The following LRP1B variants were observed in gnomAD, a reference collection of about 807,000 sequenced individuals.
The protein encoded by LRP1B is LDL receptor related protein 1B.
LRP1B carries 217 observed loss-of-function variants against 556.6 expected under a neutral mutation model. The ratio of observed to expected loss-of-function variants is 0.39; its 90% confidence interval spans 0.35 to 0.44. The LOEUF (loss-of-function observed/expected upper bound fraction) is 0.44. Ranked by LOEUF, LRP1B falls within the 20% of genes least tolerant of loss-of-function variation. The pLI is 1.00. For synonymous variants in LRP1B, 2,047 were observed against 1,865.8 expected (o/e 1.10, Z -2.50); for missense variants, 5,053 against 5,620.8 (o/e 0.90, Z 3.23).
intron 12 of LRP1B, among the ~76,000 whole-genome samples, chr2:141,016,435 T>C (rs1042790664): frequency 3.9e-5 from 6 of 152,080 alleles, no homozygotes; most frequent in African/African-American, 1.4e-4. Context: ...AAGGGCACTG[T>C]CATATTGGGT....
rs779670090 is a variant in LRP1B, at chr2:140,371,204, T to A, written c.10850A>T (p.Tyr3617Phe). The change falls in exon 70 of 91, where the codon TAT becomes TTT. Residue 3617 changes from tyrosine to phenylalanine, a missense_variant. Physicochemically the swap from Tyr to Phe is conservative, Grantham distance 22 (BLOSUM62 3). Transcript: ENST00000389484. ...CTCATCTGAACCATCAGCACAATCATATTCTCCATTACATTTCAAAGATGC... is the reference window on the plus strand; with the variant it reads ...CTCATCTGAACCATCAGCACAATCAAATTCTCCATTACATTTCAAAGATGC... ...ISASLKCNGE[Y>F]DCADGSDEMD... 2 of 1,593,862 alleles carry A rather than the reference T, an allele frequency of 1.3e-6. No homozygotes were observed. The highest frequency in any genetic ancestry group is 2.3e-5 in the South Asian group (2 of 87,274).
At chr2:141,102,841 A>G (rs1700501024) in intron 7 of LRP1B, among the ~76,000 whole-genome samples, 1 of 152,134 alleles carries the variant, frequency 6.6e-6, no homozygotes, top group Non-Finnish European at 1.5e-5. Context: ...TTACATTGAA[A>G]ATATGATAAT....
intron 1 of LRP1B, among the ~76,000 whole-genome samples, chr2:142,094,802 A>C (rs1440559172): frequency 6.6e-6 from 1 of 151,674 alleles, no homozygotes; most frequent in Non-Finnish European, 1.5e-5. Flanking sequence ...TTTAGTAATA[A>C]ATATTTAGTA....
Position 140,712,988 on chromosome 2 carries a change from A to G in LRP1B, c.6023+2985T>C, listed in dbSNP as rs116558626. ...CTCCTAGTCATTCTATCCCCTAACTATAAGCATTCTTCATTTTTGTTATTA... is the reference window on the plus strand; with the variant it reads ...CTCCTAGTCATTCTATCCCCTAACTGTAAGCATTCTTCATTTTTGTTATTA... On this transcript the variant is annotated intron_variant, in intron 37 of 90. Coordinates refer to ENST00000389484, the MANE Select transcript of LRP1B (RefSeq NM_018557.3). Among the ~76,000 whole-genome samples, 600 of 151,916 alleles carry G rather than the reference A, an allele frequency of 3.9e-3. 1 individual carries two copies. Among genetic ancestry groups the G allele is most frequent in the Non-Finnish European group, 7.0e-3 (475 of 67,932 alleles).
intron 1 of LRP1B, among the ~76,000 whole-genome samples, chr2:141,849,439 G>T (rs1259410222): frequency 1.3e-5 from 2 of 151,502 alleles, no homozygotes; most frequent in African/African-American, 4.8e-5. Context: ...GCACGCCAAA[G>T]AAATACATTA....
At chr2:141,966,839 A>G (rs558991211) in intron 1 of LRP1B, among the ~76,000 whole-genome samples, 1 of 151,852 alleles carries the variant, frequency 6.6e-6, no homozygotes. Context: ...CGCTGGATAC[A>G]TTCAATTTGT....
intron 7 of LRP1B, among the ~76,000 whole-genome samples, chr2:141,067,419 T>C (rs565269080): frequency 7.2e-5 from 11 of 152,144 alleles, no homozygotes; most frequent in African/African-American, 2.6e-4. Flanking sequence ...TTCACTTTTG[T>C]TGTTTGAAAA....
At chr2:140,270,521 G>A (rs1254990698) in intron 85 of LRP1B, among the ~76,000 whole-genome samples, 175 bp from the exon 86 acceptor site, 1 of 151,882 alleles carries the variant, frequency 6.6e-6, no homozygotes, top group Non-Finnish European at 1.5e-5. Context: ...ATTTATGTCA[G>A]AATGATGTCA....
intron 21 of LRP1B, 72 bp from the exon 22 acceptor site, chr2:140,908,149 G>T (rs996476173): frequency 1.7e-6 from 2 of 1,173,402 alleles, no homozygotes; most frequent in Non-Finnish European, 2.5e-6. Context: ...GGCCATTATT[G>T]TCTTCAGTCA....
At chr2:140,671,927 G>C (rs558308241) in intron 41 of LRP1B, among the ~76,000 whole-genome samples, 1 of 151,958 alleles carries the variant, frequency 6.6e-6, no homozygotes, top group Admixed American at 6.6e-5. Context: ...CCATACCAAG[G>C]TCCTCAAAAG....
chr2:140,571,734 A>G (rs191712420), intron 43 of LRP1B, among the ~76,000 whole-genome samples: 1 of 151,762 alleles, frequency 6.6e-6, no homozygotes, highest in East Asian at 1.9e-4. Context: ...AGATAAAGAC[A>G]TCACAAAACC....
chr2:140,531,117 A>G (rs1690672938), intron 47 of LRP1B, among the ~76,000 whole-genome samples: 1 of 152,130 alleles, frequency 6.6e-6, no homozygotes, highest in Non-Finnish European at 1.5e-5. Flanking sequence ...ATATACTTTC[A>G]TTTCTGGAGA....
intron 3 of LRP1B, among the ~76,000 whole-genome samples, chr2:141,402,439 C>T (rs1157981518): frequency 6.6e-6 from 1 of 151,968 alleles, no homozygotes; most frequent in African/African-American, 2.4e-5. Flanking sequence ...TTAAATATAA[C>T]ATGGAATGAG....
intron 3 of LRP1B, among the ~76,000 whole-genome samples, chr2:141,428,439 T>TA (rs1237841833): frequency 6.6e-6 from 1 of 152,168 alleles, no homozygotes; most frequent in Non-Finnish European, 1.5e-5. Flanking sequence ...AATGCTAAGC[T>TA]AAAAACTTAT....
At chr2:141,118,564 C>T (rs959699857) in intron 7 of LRP1B, among the ~76,000 whole-genome samples, 5 of 151,716 alleles carry the variant, frequency 3.3e-5, no homozygotes, top group Admixed American at 6.6e-5. Context: ...TTTCTGAGAG[C>T]GAAGAGATTG....
At chr2:141,653,619 A>G (rs1231400684) in intron 2 of LRP1B, among the ~76,000 whole-genome samples, 3 of 148,008 alleles carry the variant, frequency 2.0e-5, no homozygotes, top group Non-Finnish European at 4.5e-5. Flanking sequence ...AACCACTGAG[A>G]CTACACTGTG....
At chr2:140,251,273 CTG>C (rs1481505621) in intron 86 of LRP1B, among the ~76,000 whole-genome samples, 2 of 151,834 alleles carry the variant, frequency 1.3e-5, no homozygotes, top group Admixed American at 6.6e-5. Context: ...AGTAGCATAA[CTG>C]TAAGACATAT....
At chr2:140,736,313 C>A (rs1050889209) in intron 35 of LRP1B, among the ~76,000 whole-genome samples, 1 of 152,040 alleles carries the variant, frequency 6.6e-6, no homozygotes, top group Non-Finnish European at 1.5e-5. Flanking sequence ...GGTTACTCTA[C>A]TCAGCAGGTA....
intron 2 of LRP1B, among the ~76,000 whole-genome samples, chr2:141,568,627 T>A (rs1458598472): frequency 1.3e-5 from 2 of 151,298 alleles, no homozygotes; most frequent in Non-Finnish European, 3.0e-5. Context: ...TGGAATAGGC[T>A]GAGAAATATA....
Sources: allele counts gnomAD v4.1 joint callset (sites outside exome capture counted in the v4.1 genomes callset), GRCh38; gene constraint gnomAD v4.1.1; transcripts MANE v1.5; gene names NCBI Gene and HGNC (gene_info 2026-07-23, HGNC 2026-07-21).